The following ITGAV variants were observed in gnomAD, a reference collection of about 807,000 sequenced individuals.
The protein encoded by ITGAV is integrin alpha-V.
ITGAV carries 76 observed loss-of-function variants against 143.8 expected under a neutral mutation model. The observed-to-expected ratio is 0.53, with a 90% CI of 0.44 to 0.64. The LOEUF is 0.64. Among genes scored for constraint, ITGAV ranks in the 30% least tolerant of loss-of-function variants. The probability of loss-of-function intolerance (pLI) is 0.00; values close to 1 mark genes in which losing one functional copy is unlikely to be tolerated. For missense variants in ITGAV, 1,193 were observed against 1,274.7 expected (o/e 0.94, Z 0.98); for synonymous variants, 453 against 446.7 (o/e 1.01, Z -0.18).
Position 186,622,320 on chromosome 2 carries a change from TC to T in ITGAV, c.317-18del, listed in dbSNP as rs1687551528. ...AATAGTATATTTTGTGTCTTACCAC[TC>T]ACAATATTCTTTTTTAGGCAATAGA... is the stretch of plus-strand genomic sequence containing the variant. On this transcript the variant is annotated intron_variant, in intron 2 of 29. Transcript: ENST00000261023. 1.3e-6 allele frequency: 2 copies of T among 1,529,556 alleles called. No homozygotes were observed. The highest frequency in any genetic ancestry group is 1.7e-5 in the Admixed American group (1 of 59,584). The allele number at this position is 1,529,556 out of a possible 1,614,324, so 94.7% of individuals were successfully genotyped here. A position where few individuals can be genotyped will look rare whatever the true frequency, so the allele number is the denominator to read the frequency against.
In ITGAV at chr2:186,665,195, A is replaced by T. The variant is rs1484564170; in HGVS notation, c.2143A>T (p.Asn715Tyr). Residue 715 changes from asparagine (N) to tyrosine (Y), a missense_variant, in exon 21 of 30, where the codon AAC (asparagine) becomes TAC (tyrosine). Transcript: ENST00000261023. The stretch of plus-strand genomic sequence containing the variant: ...TCGCCAGGTGGTATGTGACCTTGGA[A>T]ACCCAATGAAGGCTGGAACTCAAGT... Reference protein sequence around the residue: ...QTRQVVCDLGNPMKAGTQLLA... With the variant: ...QTRQVVCDLGYPMKAGTQLLA... The T allele has an allele frequency of 1.2e-6, 2 of 1,611,812 alleles. No homozygotes were observed. The highest frequency in any genetic ancestry group is 4.5e-5 in the East Asian group (2 of 44,850).
rs559411034 is a variant in ITGAV, at chr2:186,593,623, T to C, written c.185+3100T>C. ...TTTAATTATAATGATGACATCTTAT[T>C]TTGGTAAACATATTTTATAATTTGC... On this transcript the variant is annotated intron_variant, in intron 1 of 29. Transcript: ENST00000261023. Among the ~76,000 whole-genome samples, 155 of 152,282 alleles carry C rather than the reference T, an allele frequency of 1.0e-3. 1 individual carries two copies. The highest frequency in any genetic ancestry group is 1.7e-3 in the Non-Finnish European group (114 of 68,028).
rs771200324 is a variant in ITGAV, at chr2:186,625,461, C to G, written c.409-12C>G. 4.4e-6 allele frequency: 7 copies of G among 1,586,766 alleles called. No homozygotes were observed. The highest frequency in any genetic ancestry group is 1.7e-5 in the Admixed American group (1 of 59,728). ...AAAATCTTCGTGTCGTGGACTAAAC[C>G]TTTGATTTTAGGCCTGTGCCCCATT... is the stretch of plus-strand genomic sequence containing the variant. On this transcript the variant is annotated splice_polypyrimidine_tract_variant and intron_variant, in intron 3 of 29. Coordinates refer to ENST00000261023, the MANE Select transcript of ITGAV (RefSeq NM_002210.5).
intron 5 of ITGAV, 118 bp from the exon 6 acceptor site, chr2:186,633,211 A>G (rs1413736121): frequency 4.5e-6 from 2 of 448,196 alleles, no homozygotes; most frequent in Non-Finnish European, 3.9e-6. Flanking sequence ...AAGATACAAT[A>G]CTGTATTGTT....
chr2:186,650,197 C>T (rs1278707615), intron 14 of ITGAV, among the ~76,000 whole-genome samples: 2 of 152,142 alleles, frequency 1.3e-5, no homozygotes, highest in Non-Finnish European at 2.9e-5. Flanking sequence ...ATCCTGTCTT[C>T]CAGCCTCTCT....
At chr2:186,639,196 T>G (rs763635703) in intron 10 of ITGAV, among the ~76,000 whole-genome samples, 38 of 152,212 alleles carry the variant, frequency 2.5e-4, no homozygotes, top group Admixed American at 4.6e-4. Flanking sequence ...TATAATATTC[T>G]CTGTTGTATG....
At chr2:186,626,628 C>T (rs1687683253) in intron 4 of ITGAV, among the ~76,000 whole-genome samples, 1 of 152,182 alleles carries the variant, frequency 6.6e-6, no homozygotes, top group African/African-American at 2.4e-5. Context: ...GTTGAACCTA[C>T]AGGAAACTGC....
chr2:186,606,463 A>T (rs1216024173), intron 2 of ITGAV, among the ~76,000 whole-genome samples: 1 of 152,158 alleles, frequency 6.6e-6, no homozygotes, highest in African/African-American at 2.4e-5. Context: ...GAAGACTTCT[A>T]AAGTGCTTAG....
chr2:186,636,899 T>A (rs1372503992), intron 7 of ITGAV, among the ~76,000 whole-genome samples, 166 bp from the exon 8 acceptor site: 1 of 152,208 alleles, frequency 6.6e-6, no homozygotes, highest in African/African-American at 2.4e-5. Context: ...TCAGTTTCAT[T>A]TAAAATTCAT....
At chr2:186,610,594 A>C (rs910452429) in intron 2 of ITGAV, among the ~76,000 whole-genome samples, 1 of 152,192 alleles carries the variant, frequency 6.6e-6, no homozygotes, top group Non-Finnish European at 1.5e-5. Context: ...GTGACTCTTC[A>C]TAATTTATAG....
chr2:186,616,880 G>A (rs536084111), intron 2 of ITGAV, among the ~76,000 whole-genome samples: 2 of 151,748 alleles, frequency 1.3e-5, no homozygotes, highest in East Asian at 2.0e-4. Context: ...TAATAAATAA[G>A]CATACTTTAT....
Position 186,646,484 on chromosome 2 carries a change from C to T in ITGAV, c.1160-202C>T, listed in dbSNP as rs563840092. ...TTGCTTATGGATAAAGAGTACCCTA[C>T]TGAACTTTGAATTAGTATTTATCAT... On this transcript the variant is annotated intron_variant, in intron 12 of 29. Transcript: ENST00000261023. Among the ~76,000 whole-genome samples, 6 of 152,268 alleles carry T rather than the reference C, an allele frequency of 3.9e-5. No individual in the cohort carries two copies. The East Asian group carries it at 1.2e-3, about 29-fold the overall frequency.
At chr2:186,638,789 G>T (rs1688022888) in intron 10 of ITGAV, among the ~76,000 whole-genome samples, 1 of 151,420 alleles carries the variant, frequency 6.6e-6, no homozygotes, top group Admixed American at 6.6e-5. Context: ...GTATCAGAAT[G>T]GTTTAATGAT....
rs548264762 is a variant in ITGAV, at chr2:186,671,472, C to T, written c.2706+1658C>T. Among the ~76,000 whole-genome samples, 20 of 152,164 alleles carry T rather than the reference C, an allele frequency of 1.3e-4. No individual in the cohort carries two copies. The East Asian group carries it at 3.7e-3, about 28-fold the overall frequency. On this transcript the variant is annotated intron_variant, in intron 26 of 29. Coordinates refer to ENST00000261023, the MANE Select transcript of ITGAV (RefSeq NM_002210.5). ...CAGATATCCTTGTGGCTTATTTTCCCATATCCTTCTCATGTCCTTAAAAGT... is the reference window on the plus strand; with the variant it reads ...CAGATATCCTTGTGGCTTATTTTCCTATATCCTTCTCATGTCCTTAAAAGT...
At chr2:186,615,929 C>T (rs963861129) in intron 2 of ITGAV, among the ~76,000 whole-genome samples, 1 of 151,962 alleles carries the variant, frequency 6.6e-6, no homozygotes, top group Non-Finnish European at 1.5e-5. Flanking sequence ...ATAGTTTTAG[C>T]TCTTACGTGT....
Position 186,629,143 on chromosome 2 carries a change from A to G in ITGAV, c.524-1654A>G, listed in dbSNP as rs561672069. ...TATTACTATTTGTAATATAATTACC[A>G]GACTTAACAAATGGGAGAAGTATTA... On this transcript the variant is annotated intron_variant, in intron 4 of 29. Transcript: ENST00000261023. Among the ~76,000 whole-genome samples, 64 of 152,240 alleles carry G rather than the reference A, an allele frequency of 4.2e-4. No individual in the cohort carries two copies. The Middle Eastern group carries it at 0.017, about 40-fold the overall frequency.
intron 1 of ITGAV, among the ~76,000 whole-genome samples, chr2:186,599,002 G>T (rs946488936): frequency 6.6e-6 from 1 of 152,172 alleles, no homozygotes; most frequent in African/African-American, 2.4e-5. Context: ...AGATTTGGCA[G>T]CTACTACCCA....
intron 26 of ITGAV, among the ~76,000 whole-genome samples, chr2:186,671,241 A>G (rs896007568): frequency 2.0e-5 from 3 of 152,078 alleles, no homozygotes; most frequent in African/African-American, 7.2e-5. Flanking sequence ...GTGCCTTCCC[A>G]TCTAACTCAA....
At chr2:186,654,832 G>T (rs1688539776) in intron 16 of ITGAV, 124 bp downstream of exon 16, 1 of 526,846 alleles carries the variant, frequency 1.9e-6, no homozygotes, top group Non-Finnish European at 3.4e-6. Context: ...GAATGTTTAT[G>T]CTTAAAGACA....
Sources: gnomAD v4.1 joint callset for allele counts (sites outside exome capture counted in the v4.1 genomes callset) on GRCh38, gnomAD v4.1.1 for gene constraint, MANE v1.5 for transcripts, NCBI Gene and HGNC (gene_info 2026-07-23, HGNC 2026-07-21) for gene names.